FBXO10: variants seen among roughly 807,000 people sequenced by gnomAD.
FBXO10 encodes the protein F-box only protein 10.
A neutral mutation model predicts 80.7 loss-of-function variants in FBXO10; 39 were observed. That is an observed-to-expected ratio of 0.48 (90% confidence interval 0.37 to 0.63). The LOEUF is 0.63. Among genes scored for constraint, FBXO10 ranks in the 30% least tolerant of loss-of-function variants. The probability of loss-of-function intolerance (pLI) is 0.00; values close to 1 mark genes in which losing one functional copy is unlikely to be tolerated. For missense variants in FBXO10, 1,025 were observed against 1,269.0 expected (o/e 0.81, Z 2.92); for synonymous variants, 449 against 489.6 (o/e 0.92, Z 1.09).
intron 3 of FBXO10, among the ~76,000 whole-genome samples, chr9:37,532,980 T>A (rs1251630019): frequency 6.6e-6 from 1 of 152,210 alleles, no homozygotes; most frequent in Non-Finnish European, 1.5e-5. Flanking sequence ...GGCCTGTTCT[T>A]GCACATCCTA....
chr9:37,540,435 C>T (rs1351087710), intron 2 of FBXO10, among the ~76,000 whole-genome samples: 1 of 152,102 alleles, frequency 6.6e-6, no homozygotes, highest in Non-Finnish European at 1.5e-5. Context: ...CCTCGGCCTC[C>T]CAAAGTGCTG....
intron 1 of FBXO10, among the ~76,000 whole-genome samples, chr9:37,553,798 C>T (rs1395756140): frequency 6.6e-6 from 1 of 150,922 alleles, no homozygotes; most frequent in African/African-American, 2.4e-5. Context: ...GCCTGTAATC[C>T]CAGCTACTTA....
chr9:37,568,977 G>C (rs1479134180), intron 1 of FBXO10, among the ~76,000 whole-genome samples: 1 of 152,196 alleles, frequency 6.6e-6, no homozygotes, highest in Non-Finnish European at 1.5e-5. Flanking sequence ...AGGACAAACA[G>C]ATTGAGAGCA....
At chr9:37,523,049 A>C in intron 6 of FBXO10, 72 bp from the exon 7 acceptor site, 14 of 1,536,032 alleles carry the variant, frequency 9.1e-6, no homozygotes, top group Non-Finnish European at 1.2e-5. Context: ...GGACTTGGAC[A>C]GTTTTGATCA....
chr9:37,537,393 T>C lies in FBXO10; in HGVS notation c.1136A>G (p.Gln379Arg). The change falls in exon 3 of 11, where the codon CAG becomes CGG. Residue 379 changes from glutamine to arginine, a missense_variant. Gln to Arg is a conservative substitution (Grantham distance 43). Transcript: ENST00000432825. ...QLMYRLSYQV[Q>R]GPRPVLGGSF... is the part of the protein sequence containing the mutation. ...GCCCCCCAATACAGGGCGTGGGCCC[T>C]GCACTTGGTAGGATAGTCTGTACAT... The C allele has an allele frequency of 6.3e-7, 1 of 1,597,264 alleles. No homozygotes were observed. Among genetic ancestry groups the C allele is most frequent in the Non-Finnish European group, 8.5e-7 (1 of 1,171,498 alleles).
At chr9:37,513,329 C>A in intron 10 of FBXO10, among the ~76,000 whole-genome samples, 1 of 152,174 alleles carries the variant, frequency 6.6e-6, no homozygotes, top group East Asian at 1.9e-4. Context: ...AGCTCTATGA[C>A]CACAAATGTT....
At chr9:37,547,610 T>C (rs1261096223) in intron 1 of FBXO10, among the ~76,000 whole-genome samples, 1 of 151,380 alleles carries the variant, frequency 6.6e-6, no homozygotes, top group Non-Finnish European at 1.5e-5. Flanking sequence ...GACTCTTATC[T>C]CAAAAAACAA....
intron 1 of FBXO10, among the ~76,000 whole-genome samples, chr9:37,545,613 C>T (rs1822036824): frequency 6.6e-6 from 1 of 152,220 alleles, no homozygotes; most frequent in Admixed American, 6.5e-5. Context: ...TAGCCCCAAT[C>T]ATCTTTCTAG....
intron 1 of FBXO10, among the ~76,000 whole-genome samples, chr9:37,553,104 C>T (rs1822246191): frequency 1.3e-5 from 2 of 151,680 alleles, no homozygotes; most frequent in East Asian, 1.9e-4. Context: ...TGTAGTGGTG[C>T]AATCTCAGCT....
At chr9:37,544,507 T>C (rs1178209689) in intron 1 of FBXO10, among the ~76,000 whole-genome samples, 2 of 152,188 alleles carry the variant, frequency 1.3e-5, no homozygotes, top group Admixed American at 1.3e-4. Flanking sequence ...TTGGGTATCC[T>C]CTCAATTTTA....
intron 1 of FBXO10, among the ~76,000 whole-genome samples, chr9:37,552,659 T>C (rs959272301): frequency 7.4e-6 from 1 of 134,824 alleles, no homozygotes; most frequent in Non-Finnish European, 1.5e-5. Flanking sequence ...GCCACTGCAC[T>C]CCAGTCTGTG....
At chr9:37,522,769 G>A (rs1821374618) in intron 7 of FBXO10, 56 bp downstream of exon 7, 3 of 1,539,868 alleles carry the variant, frequency 1.9e-6, no homozygotes, top group Admixed American at 3.9e-5. Flanking sequence ...CCCACAAGCT[G>A]GAGATGGAAC....
intron 1 of FBXO10, among the ~76,000 whole-genome samples, chr9:37,554,404 AGTTT>A (rs1822284305): frequency 1.3e-5 from 2 of 152,182 alleles, no homozygotes; most frequent in Admixed American, 6.5e-5. Context: ...GTGCATCAAT[AGTTT>A]GTTTATGATG....
Position 37,537,554 on chromosome 9 carries a change from G to C in FBXO10, c.975C>G (p.Ser325Arg). ...CAGCCTTGGAGCCTGGCTTTGGGGAGCTAGAGGCTGGGCTGGTAGGGCTCT... is the reference window on the plus strand; with the variant it reads ...CAGCCTTGGAGCCTGGCTTTGGGGACCTAGAGGCTGGGCTGGTAGGGCTCT... ...GSQSPTSPAS[S>R]SPKPGSKAGS... is the part of the protein sequence containing the mutation. The change falls in exon 3 of 11, where the codon AGC becomes AGG. Residue 325 changes from serine (S) to arginine (R), a missense_variant. By Grantham distance (110) the Ser-to-Arg change is moderately radical. This residue lies in a region of FBXO10 where 450 missense variants were observed against 499.4 expected (regional missense o/e 0.90). Coordinates refer to ENST00000432825, the MANE Select transcript of FBXO10 (RefSeq NM_012166.3). 2.5e-6 allele frequency: 4 copies of C among 1,613,222 alleles called. No individual in the cohort carries two copies. Among genetic ancestry groups the C allele is most frequent in the Non-Finnish European group, 3.4e-6 (4 of 1,179,600 alleles).
intron 1 of FBXO10, among the ~76,000 whole-genome samples, chr9:37,562,552 T>C (rs1443206178): frequency 6.6e-6 from 1 of 152,190 alleles, no homozygotes; most frequent in Admixed American, 6.5e-5. Context: ...CTGAGTAAAA[T>C]GTAAGCTCCT....
chr9:37,535,724 T>C (rs531838903), intron 3 of FBXO10, among the ~76,000 whole-genome samples: 1 of 152,148 alleles, frequency 6.6e-6, no homozygotes, highest in African/African-American at 2.4e-5. Context: ...TCCTGGGATG[T>C]TCTAGAGGAC....
At chr9:37,568,788 C>A (rs1382928097) in intron 1 of FBXO10, among the ~76,000 whole-genome samples, 1 of 151,954 alleles carries the variant, frequency 6.6e-6, no homozygotes, top group African/African-American at 2.4e-5. Context: ...ACTGTCTGTC[C>A]AAAAGAGCAA....
intron 1 of FBXO10, among the ~76,000 whole-genome samples, chr9:37,564,093 C>T (rs1468496899): frequency 6.6e-6 from 1 of 152,246 alleles, no homozygotes; most frequent in Admixed American, 6.5e-5. Flanking sequence ...TGCATCCCAG[C>T]TGCTTCAGCT....
chr9:37,541,438 T>A lies in FBXO10; in HGVS notation c.331A>T (p.Ser111Cys). 1 of 1,613,948 alleles carries A rather than the reference T, an allele frequency of 6.2e-7. No homozygotes were observed. Among genetic ancestry groups the A allele is most frequent in the Non-Finnish European group, 8.5e-7 (1 of 1,179,880 alleles). ...TCAAACTCACGGCCTGGCCCAACAC[T>A]CAGGGTACGTCGTTCCCTCCTCCGG... ...FRRRRERRTL[S>C]VGPGREFDSL... Residue 111 changes from serine (S) to cysteine (C), a missense_variant, in exon 2 of 11, where the codon AGT becomes TGT. Transcript: ENST00000432825.
Sources: gnomAD v4.1 joint callset for allele counts (sites outside exome capture counted in the v4.1 genomes callset) on GRCh38, gnomAD v4.1.1 for gene constraint, gnomAD v4.1.1 regional missense constraint, MANE v1.5 for transcripts, NCBI Gene and HGNC (gene_info 2026-07-23, HGNC 2026-07-21) for gene names.